Variants in DEGS2 observed in about 807,000 individuals in gnomAD.
DEGS2 encodes the protein delta 4-desaturase, sphingolipid 2, also known as sphingolipid delta(4)-desaturase/C4-monooxygenase DES2.
In DEGS2, 19 loss-of-function variants were observed where a neutral mutation model predicts 23.8. The observed-to-expected ratio is 0.80, with a 90% confidence interval of 0.56 to 1.17. The LOEUF (loss-of-function observed/expected upper bound fraction) is 1.17, where lower values mean the gene tolerates loss of function less well. Among genes scored for constraint, DEGS2 ranks in the 50% most tolerant of loss-of-function variants. DEGS2 has a pLI of 0.00. For missense variants in DEGS2, 390 were observed against 459.5 expected, an observed-to-expected ratio of 0.85 and a Z score of 1.38; for synonymous variants, 218 against 213.7, an observed-to-expected ratio of 1.02 and a Z score of -0.18.
chr14:100,155,248 TC>T (rs1889639720), intron 1 of DEGS2, among the ~76,000 whole-genome samples: 1 of 152,244 alleles, frequency 6.6e-6, no homozygotes, highest in South Asian at 2.1e-4. Context: ...CGTGGCCTCT[TC>T]CCCACCCATC....
intron 1 of DEGS2, 73 bp from the exon 2 acceptor site, chr14:100,149,783 A>G (rs1889534505): frequency 6.1e-6 from 9 of 1,470,870 alleles, no homozygotes; most frequent in Non-Finnish European, 8.3e-6. Context: ...CTCCCACTGC[A>G]GTGGCCGAGG....
Position 100,149,142 on chromosome 14 carries a change from G to A in DEGS2, c.651C>T (p.Phe217=), listed in dbSNP as rs1889513529. Reference sequence around the variant, plus strand: ...AGATGGGGTGCAGGCCCAGGCCCAGGAAGGAGCTGGCCAGCAGGTAGACCA... The same window carrying A: ...AGATGGGGTGCAGGCCCAGGCCCAGAAAGGAGCTGGCCAGCAGGTAGACCA... ...KPVVYLLASS[F]LGLGLHPISG... is the part of the protein sequence containing the mutation. The change falls in exon 2 of 3, where the codon TTC becomes TTT. Residue 217 remains phenylalanine (F), a synonymous_variant. Transcript: ENST00000305631. 6.2e-7 allele frequency: 1 copy of A among 1,613,018 alleles called. No individual in the cohort carries two copies. The highest frequency in any genetic ancestry group is 1.7e-5 in the Admixed American group (1 of 60,038).
chr14:100,155,730 A>C (rs1435750369), intron 1 of DEGS2: 1 of 151,998 alleles, frequency 6.6e-6, no homozygotes, highest in Non-Finnish European at 1.5e-5. Context: ...TCTGAAGCAA[A>C]TAATCCAGCA....
chr14:100,155,857 T>C (rs932167405), intron 1 of DEGS2: 1 of 151,692 alleles, frequency 6.6e-6, no homozygotes, highest in Non-Finnish European at 1.5e-5. Context: ...ACAAAGCTAT[T>C]CATTTTCAAA....
At chr14:100,164,520 C>G (rs916685462), upstream of DEGS2, among the ~76,000 whole-genome samples, 5 of 152,002 alleles carry the variant, frequency 3.3e-5, no homozygotes, top group Non-Finnish European at 5.9e-5. Flanking sequence ...ACCTGTAATC[C>G]CAGCTACTCA....
At chr14:100,159,856 G>A, upstream of DEGS2, 1 of 265,714 alleles carries the variant, frequency 3.8e-6, no homozygotes, top group East Asian at 6.6e-5. Flanking sequence ...CGAGGTGGCC[G>A]CGTGCCATCT....
intron 1 of DEGS2, among the ~76,000 whole-genome samples, chr14:100,156,911 G>A (rs1566743152): frequency 6.6e-6 from 1 of 152,240 alleles, no homozygotes; most frequent in Non-Finnish European, 1.5e-5. Flanking sequence ...GGAAGCCCCT[G>A]CTTCCGCCCT....
intron 1 of DEGS2, among the ~76,000 whole-genome samples, chr14:100,153,252 CAGAT>C (rs61183768): frequency 0.25 from 36,740 of 147,268 alleles, 4,655 homozygotes; most frequent in African/African-American, 0.26. Flanking sequence ...ATGGCAAAAA[CAGAT>C]AGATAGATAG....
At chr14:100,154,456 C>CA (rs1406281674) in intron 1 of DEGS2, among the ~76,000 whole-genome samples, 1 of 152,240 alleles carries the variant, frequency 6.6e-6, no homozygotes, top group Non-Finnish European at 1.5e-5. Flanking sequence ...CCTGTCTCCT[C>CA]AGTCTCCATC....
chr14:100,148,686 A>G (rs1889501355), intron 2 of DEGS2, among the ~76,000 whole-genome samples: 1 of 152,228 alleles, frequency 6.6e-6, no homozygotes, highest in South Asian at 2.1e-4. Flanking sequence ...CCCCTCTTCA[A>G]GGAAGACACC....
intron 2 of DEGS2, among the ~76,000 whole-genome samples, chr14:100,148,069 G>A (rs1201804194): frequency 2.6e-5 from 4 of 152,202 alleles, no homozygotes; most frequent in Non-Finnish European, 5.9e-5. Flanking sequence ...GCCCAGGCTT[G>A]GAATTTGGTC....
At position 100,149,543 on chromosome 14, in the gene DEGS2, G is replaced by C; in HGVS notation, c.250C>G (p.Leu84Val). Residue 84 changes from leucine to valine, a missense_variant, in exon 2 of 3, where the codon CTG becomes GTG. Leu to Val is a conservative substitution (Grantham distance 32, BLOSUM62 1). Transcript: ENST00000305631. ...YAFGGCVNHS[L>V]TLAIHDISHN... is the part of the protein sequence containing the mutation. ...GAGATGTCGTGGATGGCCAGCGTCA[G>C]CGAGTGGTTCACGCAGCCACCAAAG... The C allele has an allele frequency of 6.2e-7, 1 of 1,605,896 alleles. No individual in the cohort carries two copies. Among genetic ancestry groups the C allele is most frequent in the Non-Finnish European group, 8.5e-7 (1 of 1,177,802 alleles).
chr14:100,152,771 A>G (rs1314749375), intron 1 of DEGS2, among the ~76,000 whole-genome samples: 1 of 152,098 alleles, frequency 6.6e-6, no homozygotes, highest in Non-Finnish European at 1.5e-5. Flanking sequence ...AGACTGAACC[A>G]CGCTACCCCT....
rs201554526 is a variant in DEGS2, at chr14:100,148,995, G to T, written c.798C>A (p.Pro266=). ...VGYHVEHHDF[P]SIPGYNLPLV... ...GCGGCAGGTTGTAGCCCGGGATGCT[G>T]GGGAAGTCGTGGTGCTCCACGTGGT... is the stretch of plus-strand genomic sequence containing the variant. Residue 266 remains proline, a synonymous_variant, in exon 2 of 3, where the codon CCC becomes CCA. Coordinates refer to ENST00000305631, the MANE Select transcript of DEGS2 (RefSeq NM_206918.3). 2 of 1,612,634 alleles carry T rather than the reference G, an allele frequency of 1.2e-6. No homozygotes were observed.
At chr14:100,148,645 T>C (rs1294632388) in intron 2 of DEGS2, among the ~76,000 whole-genome samples, 1 of 152,174 alleles carries the variant, frequency 6.6e-6, no homozygotes. Flanking sequence ...ACGGGAAGGA[T>C]GGTGCTTCCC....
chr14:100,143,959 GTCTTTTTTGTGTTT>G lies in DEGS2; in HGVS notation c.*2788_*2801del, dbSNP rs1889369986. On this transcript the variant is annotated 3_prime_UTR_variant, in exon 3 of 3. Coordinates refer to ENST00000305631, the MANE Select transcript of DEGS2 (RefSeq NM_206918.3). ...CTGACACGGAACACCAGGTCTGCTC[GTCTTTTTTGTGTTT>G]TATATTTGCTTATTTAAGGTACATT... 8 of 549,124 alleles carry G rather than the reference GTCTTTTTTGTGTTT, an allele frequency of 1.5e-5. No individual in the cohort carries two copies. In the East Asian group the frequency reaches 2.4e-4, roughly 17 times the overall value. The allele number at this position is 549,124 out of a possible 1,614,324, so 34.0% of individuals were successfully genotyped here. A position where few individuals can be genotyped will look rare whatever the true frequency, so the allele number is the denominator to read the frequency against.
Position 100,146,996 on chromosome 14 carries a change from G to A in DEGS2, c.826-89C>T, listed in dbSNP as rs78116257. 2,342 of 1,466,176 alleles carry A rather than the reference G, an allele frequency of 1.6e-3. 27 individuals are homozygous for A. The African/African-American group carries it at 0.027, about 17-fold the overall frequency. 90.8% of individuals were successfully genotyped at this position (1,466,176 alleles called of 1,614,324 possible). A position where few individuals can be genotyped will look rare whatever the true frequency, so the allele number is the denominator to read the frequency against. ...CGCAGACACCTGAGCACACGCGGTG[G>A]GCATGCACATGCATATTCATGTACG... is the stretch of plus-strand genomic sequence containing the variant. On this transcript the variant is annotated intron_variant, in intron 2 of 2. Coordinates refer to ENST00000305631, the MANE Select transcript of DEGS2 (RefSeq NM_206918.3).
At chr14:100,158,103 A>G (rs1889688183) in intron 1 of DEGS2, among the ~76,000 whole-genome samples, 1 of 146,668 alleles carries the variant, frequency 6.8e-6, no homozygotes, top group African/African-American at 2.4e-5. Context: ...AAAAAAAAAA[A>G]AAAAAAAAGT....
intron 1 of DEGS2, among the ~76,000 whole-genome samples, chr14:100,152,866 T>A (rs1472646971): frequency 7.0e-6 from 1 of 143,246 alleles, no homozygotes; most frequent in African/African-American, 2.6e-5. Flanking sequence ...ATTCCCCTAA[T>A]AAATCCCCTC....
Sources: gnomAD v4.1 joint callset for allele counts (sites outside exome capture counted in the v4.1 genomes callset) on GRCh38, gnomAD v4.1.1 for gene constraint, MANE v1.5 for transcripts, NCBI Gene and HGNC (gene_info 2026-07-23, HGNC 2026-07-21) for gene names.